Variants in GRIN2A observed in about 807,000 individuals in gnomAD.
The protein encoded by GRIN2A is glutamate ionotropic receptor NMDA type subunit 2A.
Under a neutral mutation model 113.4 loss-of-function variants are expected in GRIN2A, and 22 were observed. That is an observed-to-expected ratio of 0.19 (90% CI 0.14 to 0.28). The LOEUF (loss-of-function observed/expected upper bound fraction) is 0.28, where lower values mean the gene tolerates loss of function less well. Ranked by LOEUF, GRIN2A falls within the 10% of genes least tolerant of loss-of-function variation. The pLI is 1.00. For missense variants in GRIN2A, 1,502 were observed against 1,887.0 expected, an observed-to-expected ratio of 0.80 and a Z score of 3.78; for synonymous variants, 827 against 738.4, an observed-to-expected ratio of 1.12 and a Z score of -1.94.
In GRIN2A at chr16:9,768,608, G is replaced by A. The variant is rs959566150; in HGVS notation, c.2595+243C>T. Among the ~76,000 whole-genome samples, 4 of 152,098 alleles carry A rather than the reference G, an allele frequency of 2.6e-5. No homozygotes were observed. In the East Asian group the frequency reaches 5.8e-4, roughly 22 times the overall value. The stretch of plus-strand genomic sequence containing the variant: ...TACTGAGGTTTAGCTGCCGTTTCAC[G>A]TCATCTGTGCTATTTTTCTCATGTC... On this transcript the variant is annotated intron_variant, in intron 12 of 12. Coordinates refer to ENST00000330684, the MANE Select transcript of GRIN2A (RefSeq NM_001134407.3).
chr16:10,114,483 T>C (rs1440984750), intron 2 of GRIN2A, among the ~76,000 whole-genome samples: 1 of 152,276 alleles, frequency 6.6e-6, no homozygotes, highest in Admixed American at 6.5e-5. Flanking sequence ...AATCATAACC[T>C]TTCAAAGCAG....
intron 5 of GRIN2A, 45 bp from the exon 6 acceptor site, chr16:9,841,149 G>T (rs774178022): frequency 5.3e-6 from 8 of 1,499,208 alleles, no homozygotes; most frequent in Non-Finnish European, 7.4e-6. Context: ...GCACTGGAAG[G>T]TTTGTTCACA....
At chr16:9,775,598 G>T (rs561903546) in intron 11 of GRIN2A, among the ~76,000 whole-genome samples, 7 of 152,318 alleles carry the variant, frequency 4.6e-5, no homozygotes, top group Non-Finnish European at 7.4e-5. Flanking sequence ...TGAGATCAGA[G>T]AGCAGTTCAG....
chr16:10,098,528 CA>C (rs2048336785), intron 2 of GRIN2A, among the ~76,000 whole-genome samples: 1 of 151,982 alleles, frequency 6.6e-6, no homozygotes, highest in Admixed American at 6.5e-5. Flanking sequence ...GCACAATTCA[CA>C]AATGCAAAAA....
Position 9,876,499 on chromosome 16 carries a change from G to C in GRIN2A, c.1122+14487C>G, listed in dbSNP as rs376883436. Among the ~76,000 whole-genome samples, 110 of 152,156 alleles carry C rather than the reference G, an allele frequency of 7.2e-4. 2 individuals carry two copies. The highest frequency in any genetic ancestry group is 2.6e-3 in the African/African-American group (107 of 41,520). Reference sequence around the variant, plus strand: ...TTGCAGCCTCCATACACTAGCGTTGGCCTCCTGGACCCACCTTATATACTC... The same window carrying C: ...TTGCAGCCTCCATACACTAGCGTTGCCCTCCTGGACCCACCTTATATACTC... On this transcript the variant is annotated intron_variant, in intron 4 of 12. Coordinates refer to ENST00000330684, the MANE Select transcript of GRIN2A (RefSeq NM_001134407.3).
chr16:10,028,176 A>G (rs945333080), intron 2 of GRIN2A, among the ~76,000 whole-genome samples: 1 of 151,890 alleles, frequency 6.6e-6, no homozygotes, highest in Non-Finnish European at 1.5e-5. Flanking sequence ...CAGCAACTCT[A>G]TGAGGCAGGA....
At chr16:9,877,812 T>C (rs1596530253) in intron 4 of GRIN2A, among the ~76,000 whole-genome samples, 4 of 71,166 alleles carry the variant, frequency 5.6e-5, no homozygotes, top group African/African-American at 6.5e-5. Flanking sequence ...TCTTTCCCTC[T>C]CCCCCCATCC....
At position 9,814,666 on chromosome 16, in the gene GRIN2A, T is replaced by A. The variant is rs183215942; in HGVS notation, c.2168+7598A>T. 1.9e-3 allele frequency among the ~76,000 whole-genome samples: 290 copies of A among 152,248 alleles called. 2 individuals carry two copies. Among genetic ancestry groups the A allele is most frequent in the African/African-American group, 6.4e-3 (268 of 41,564 alleles). ...AGAACTCCATTTCTCAATAGTCAAC[T>A]AACTAACCTCTCAAAGACATGGACT... On this transcript the variant is annotated intron_variant, in intron 10 of 12. Transcript: ENST00000330684.
At chr16:9,984,780 G>A (rs1337890962) in intron 2 of GRIN2A, among the ~76,000 whole-genome samples, 1 of 152,144 alleles carries the variant, frequency 6.6e-6, no homozygotes, top group East Asian at 1.9e-4. Context: ...GCTCATTTTA[G>A]AATTCATGGG....
chr16:9,940,887 T>TA (rs893584410), intron 2 of GRIN2A, among the ~76,000 whole-genome samples: 2 of 151,776 alleles, frequency 1.3e-5, no homozygotes, highest in Admixed American at 6.6e-5. Flanking sequence ...GGCAACAAGA[T>TA]AAAAAAAACC....
chr16:9,911,622 T>C (rs1264462394), intron 3 of GRIN2A, among the ~76,000 whole-genome samples: 1 of 152,198 alleles, frequency 6.6e-6, no homozygotes. Flanking sequence ...TATTAGCCCA[T>C]GAATGTTAAC....
chr16:10,175,589 G>T (rs1179899797), intron 2 of GRIN2A, among the ~76,000 whole-genome samples: 2 of 152,146 alleles, frequency 1.3e-5, no homozygotes, highest in East Asian at 1.9e-4. Context: ...GTCTGCGGAG[G>T]AGAGAAGCAT....
Position 9,962,734 on chromosome 16 carries a change from C to A in GRIN2A, c.415-24183G>T, listed in dbSNP as rs537061763. ...CGGTAGATTGCTCAGGGATCTAGAA[C>A]TAGAAATACCATTTGACCCAGCCAT... On this transcript the variant is annotated intron_variant, in intron 2 of 12. Transcript: ENST00000330684. 5.3e-5 allele frequency among the ~76,000 whole-genome samples: 8 copies of A among 152,176 alleles called. 1 individual carries two copies. In the South Asian group the frequency reaches 1.7e-3, roughly 32 times the overall value.
chr16:9,982,950 T>C (rs2141782331), intron 2 of GRIN2A, among the ~76,000 whole-genome samples: 1 of 152,338 alleles, frequency 6.6e-6, no homozygotes, highest in Middle Eastern at 3.4e-3. Context: ...ATATGTATTT[T>C]AAGTAAAAAT....
At chr16:10,107,024 C>A (rs1734129111) in intron 2 of GRIN2A, among the ~76,000 whole-genome samples, 1 of 152,156 alleles carries the variant, frequency 6.6e-6, no homozygotes, top group Non-Finnish European at 1.5e-5. Flanking sequence ...GAACCCAGCT[C>A]AGCTGGCTTT....
chr16:10,181,196 C>G (rs920547884), intron 1 of GRIN2A, among the ~76,000 whole-genome samples: 1 of 8,644 alleles, frequency 1.2e-4, no homozygotes. Flanking sequence ...TGCACACACA[C>G]GTGCACACAC....
chr16:10,007,457 C>T (rs1471690838), intron 2 of GRIN2A, among the ~76,000 whole-genome samples: 1 of 152,230 alleles, frequency 6.6e-6, no homozygotes, highest in Middle Eastern at 3.4e-3. Flanking sequence ...AGATCTTTTG[C>T]CAATTTTTTT....
chr16:10,136,168 A>G (rs1488411744), intron 2 of GRIN2A, among the ~76,000 whole-genome samples: 2 of 152,126 alleles, frequency 1.3e-5, no homozygotes, highest in Middle Eastern at 3.2e-3. Context: ...AAGGTTTCCT[A>G]TTGAACCACC....
intron 2 of GRIN2A, among the ~76,000 whole-genome samples, chr16:9,962,962 T>C (rs1356575786): frequency 1.3e-5 from 2 of 151,938 alleles, no homozygotes; most frequent in Non-Finnish European, 2.9e-5. Context: ...TGAGTTCATG[T>C]CCTTTGTAGG....
Sources: allele counts gnomAD v4.1 joint callset (sites outside exome capture counted in the v4.1 genomes callset), GRCh38; gene constraint gnomAD v4.1.1; transcripts MANE v1.5; gene names NCBI Gene and HGNC (gene_info 2026-07-23, HGNC 2026-07-21).